Variants in ATRNL1 observed in about 807,000 individuals in gnomAD.
ATRNL1 encodes attractin like 1.
A neutral mutation model predicts 182.7 loss-of-function variants in ATRNL1; 95 were observed. That is an observed-to-expected ratio of 0.52 (90% CI 0.44 to 0.62). The LOEUF (loss-of-function observed/expected upper bound fraction) is 0.62. Ranked by LOEUF, ATRNL1 falls within the 20% of genes least tolerant of loss-of-function variation. ATRNL1 has a pLI of 0.00. For missense variants in ATRNL1, 1,471 were observed against 1,679.5 expected, an observed-to-expected ratio of 0.88 and a Z score of 2.17; for synonymous variants, 576 against 568.3, an observed-to-expected ratio of 1.01 and a Z score of -0.19.
intron 27 of ATRNL1, among the ~76,000 whole-genome samples, chr10:115,728,325 G>C (rs1388276082): frequency 7.3e-6 from 1 of 137,834 alleles, no homozygotes; most frequent in East Asian, 2.1e-4. Context: ...AAAAAAAAAG[G>C]ATGCAAAATT....
At chr10:115,178,763 C>T (rs1470684450) in intron 8 of ATRNL1, among the ~76,000 whole-genome samples, 1 of 152,158 alleles carries the variant, frequency 6.6e-6, no homozygotes, top group Non-Finnish European at 1.5e-5. Context: ...CTCTGGAGGA[C>T]ATAGCAAACA....
intron 27 of ATRNL1, among the ~76,000 whole-genome samples, chr10:115,825,621 T>C (rs1244431943): frequency 6.6e-6 from 1 of 152,024 alleles, no homozygotes; most frequent in African/African-American, 2.4e-5. Context: ...CTGTCCACAC[T>C]GTGCCTCTCC....
Position 115,160,024 on chromosome 10 carries a change from ATT to A in ATRNL1, c.830-7_830-6del. 2.2e-6 allele frequency: 3 copies of A among 1,389,672 alleles called. No homozygotes were observed. The highest frequency in any genetic ancestry group is 2.8e-5 in the South Asian group (2 of 71,384). 86.1% of individuals were successfully genotyped at this position (1,389,672 alleles called of 1,614,324 possible). ...TTTGTTTAATCTAGTGTGTTGTTTCATTTTTTTTTTAATAGGTCCTGATTGTT... is the reference window on the plus strand; with the variant it reads ...TTTGTTTAATCTAGTGTGTTGTTTCATTTTTTTTAATAGGTCCTGATTGTT... On this transcript the variant is annotated splice_polypyrimidine_tract_variant and intron_variant, in intron 5 of 28. Transcript: ENST00000355044.
chr10:115,289,270 G>A (rs930503398), intron 15 of ATRNL1, among the ~76,000 whole-genome samples: 2 of 152,126 alleles, frequency 1.3e-5, no homozygotes, highest in African/African-American at 4.8e-5. Context: ...CCCACAACAC[G>A]TGGTAATTCA....
chr10:115,800,128 G>C (rs1949758434), intron 27 of ATRNL1, among the ~76,000 whole-genome samples: 1 of 151,720 alleles, frequency 6.6e-6, no homozygotes, highest in African/African-American at 2.4e-5. Context: ...GCTGAGGCAG[G>C]AGAATCGCTT....
chr10:115,533,581 G>GT (rs1361295649), intron 25 of ATRNL1, among the ~76,000 whole-genome samples: 6 of 151,782 alleles, frequency 4.0e-5, no homozygotes, highest in African/African-American at 1.2e-4. Flanking sequence ...TTTTTGAAGG[G>GT]TTTTTTTGTG....
At chr10:115,725,779 A>G (rs73377573) in intron 26 of ATRNL1, among the ~76,000 whole-genome samples, 5,465 of 152,266 alleles carry the variant, frequency 0.036, 298 homozygotes, top group African/African-American at 0.12. Flanking sequence ...TTTTGCATAG[A>G]CATACTATTC....
intron 1 of ATRNL1, among the ~76,000 whole-genome samples, chr10:115,107,071 C>T (rs918313276): frequency 9.2e-5 from 14 of 152,160 alleles, no homozygotes; most frequent in Admixed American, 5.9e-4. Context: ...GAGGTAACAG[C>T]GTTAATGCCC....
At chr10:115,903,732 A>T (rs1199273937) in intron 28 of ATRNL1, among the ~76,000 whole-genome samples, 1 of 152,116 alleles carries the variant, frequency 6.6e-6, no homozygotes, top group African/African-American at 2.4e-5. Flanking sequence ...TTTTCTTCTC[A>T]CAGTAAAACC....
At chr10:115,417,216 G>A (rs1214855786) in intron 20 of ATRNL1, among the ~76,000 whole-genome samples, 1 of 152,200 alleles carries the variant, frequency 6.6e-6, no homozygotes, top group Non-Finnish European at 1.5e-5. Context: ...AAGGGGTCTA[G>A]GAGCAATCAT....
intron 20 of ATRNL1, among the ~76,000 whole-genome samples, chr10:115,408,224 C>G (rs10885704): frequency 0.31 from 47,172 of 150,862 alleles, 8,529 homozygotes; most frequent in Middle Eastern, 0.45. Flanking sequence ...AGGATGGTCT[C>G]GATCTCCTGA....
chr10:115,682,911 C>T lies in ATRNL1; in HGVS notation c.3796-44337C>T, dbSNP rs1338686103. Among the ~76,000 whole-genome samples, 4 of 152,204 alleles carry T rather than the reference C, an allele frequency of 2.6e-5. No individual in the cohort carries two copies. In the East Asian group the frequency reaches 7.7e-4, roughly 29 times the overall value. ...AGGCACAGAATCTAGACTGAGATTA[C>T]TTGGATTTGAATTCTGGTTCTGCCT... On this transcript the variant is annotated intron_variant, in intron 26 of 28. Coordinates refer to ENST00000355044, the MANE Select transcript of ATRNL1 (RefSeq NM_207303.4).
At chr10:115,823,579 G>A (rs1555091113) in intron 27 of ATRNL1, among the ~76,000 whole-genome samples, 1 of 152,164 alleles carries the variant, frequency 6.6e-6, no homozygotes, top group Admixed American at 6.6e-5. Flanking sequence ...CTTCAGCAAA[G>A]TCTCAAGATA....
At chr10:115,386,167 G>A (rs149245008) in intron 19 of ATRNL1, among the ~76,000 whole-genome samples, 246 of 152,070 alleles carry the variant, frequency 1.6e-3, no homozygotes, top group African/African-American at 5.5e-3. Context: ...TTACCAATAC[G>A]TAATTTTCTA....
At chr10:115,657,919 C>T (rs1389329711) in intron 26 of ATRNL1, among the ~76,000 whole-genome samples, 1 of 151,932 alleles carries the variant, frequency 6.6e-6, no homozygotes, top group Non-Finnish European at 1.5e-5. Context: ...TGTTATCAAA[C>T]TTATGTAATA....
At chr10:115,876,701 A>G (rs140450411) in intron 28 of ATRNL1, among the ~76,000 whole-genome samples, 7 of 152,360 alleles carry the variant, frequency 4.6e-5, no homozygotes, top group Middle Eastern at 3.4e-3. Context: ...AGTGATAACC[A>G]TAGTTAATTC....
intron 28 of ATRNL1, among the ~76,000 whole-genome samples, chr10:115,926,322 G>T (rs1198057402): frequency 0.21 from 10 of 48 alleles, no homozygotes; most frequent in East Asian, 0.5. Flanking sequence ...ACCTCAAATC[G>T]GACACCCTAA....
At chr10:115,172,237 C>T (rs1214362411) in intron 8 of ATRNL1, among the ~76,000 whole-genome samples, 1 of 151,958 alleles carries the variant, frequency 6.6e-6, no homozygotes, top group Non-Finnish European at 1.5e-5. Context: ...TACATATCCC[C>T]TTTACTTCTT....
At chr10:115,374,382 G>A (rs556825422) in intron 19 of ATRNL1, among the ~76,000 whole-genome samples, 2 of 148,964 alleles carry the variant, frequency 1.3e-5, no homozygotes, top group African/African-American at 4.9e-5. Context: ...TATTATTTCT[G>A]CCTCCCTTCT....
Sources: allele counts gnomAD v4.1 joint callset (sites outside exome capture counted in the v4.1 genomes callset), GRCh38; gene constraint gnomAD v4.1.1; transcripts MANE v1.5; gene names NCBI Gene and HGNC (gene_info 2026-07-23, HGNC 2026-07-21).